The following MADD variants were observed in gnomAD, a reference collection of about 807,000 sequenced individuals.
The protein encoded by MADD is MAP kinase-activating death domain protein.
Under a neutral mutation model 176.7 loss-of-function variants are expected in MADD, and 109 were observed. The observed-to-expected ratio is 0.62, with a 90% CI of 0.53 to 0.72. The LOEUF is 0.72. MADD is among the 30% of genes least tolerant of loss of function. The probability of loss-of-function intolerance (pLI) is 0.00; values close to 1 mark genes in which losing one functional copy is unlikely to be tolerated. For missense variants in MADD, 1,914 were observed against 2,045.5 expected, an observed-to-expected ratio of 0.94 and a Z score of 1.24; for synonymous variants, 771 against 771.3, an observed-to-expected ratio of 1.00 and a Z score of 0.01.
rs771451732 is a variant in MADD at position 47,309,063 on chromosome 11, G to A, written c.3752-218G>A. On this transcript the variant is annotated intron_variant, in intron 23 of 32. Transcript: ENST00000402192. ...TATAAGTAACCACATTTATTTGTGT[G>A]CTGTGTTCATCCCTCCTCCTTGGGA... The A allele has an allele frequency of 2.5e-6, 4 of 1,613,612 alleles. No individual in the cohort carries two copies. The South Asian group carries it at 3.3e-5, about 13-fold the overall frequency.
intron 20 of MADD, among the ~76,000 whole-genome samples, 189 bp downstream of exon 22, chr11:47,294,172 A>C (rs568104886): frequency 1.2e-4 from 18 of 150,200 alleles, no homozygotes; most frequent in African/African-American, 3.4e-4. Context: ...CAACATGGTG[A>C]AACCCCGCCC....
chr11:47,328,117 C>T, intron 31 of MADD: 1 of 1,003,700 alleles, frequency 1.0e-6, no homozygotes, highest in Non-Finnish European at 1.2e-6. Flanking sequence ...CTGCCACATC[C>T]TGTGGGTTTA....
At chr11:47,300,363 C>T (rs575197969) in intron 22 of MADD, among the ~76,000 whole-genome samples, 3 of 151,080 alleles carry the variant, frequency 2.0e-5, no homozygotes, top group South Asian at 2.1e-4. Flanking sequence ...CCCACGACCA[C>T]GCCTGGCTAA....
chr11:47,293,192 G>C (rs1000878457), intron 19 of MADD, among the ~76,000 whole-genome samples: 3 of 152,026 alleles, frequency 2.0e-5, no homozygotes, highest in Admixed American at 6.6e-5. Flanking sequence ...AGACACATTT[G>C]TTTGGGAAGC....
At chr11:47,302,331 A>C (rs1394844270) in intron 22 of MADD, among the ~76,000 whole-genome samples, 1 of 152,100 alleles carries the variant, frequency 6.6e-6, no homozygotes, top group Non-Finnish European at 1.5e-5. Context: ...CTCCTGCCTC[A>C]GCCTCCCAAG....
At chr11:47,309,865 G>A (rs917603660) in intron 25 of MADD, among the ~76,000 whole-genome samples, 19 of 144,990 alleles carry the variant, frequency 1.3e-4, no homozygotes, top group African/African-American at 1.8e-4. Context: ...TTTTTGAGAC[G>A]GAGTCTTGCT....
At chr11:47,286,026 G>A (rs1010943044) in intron 14 of MADD, among the ~76,000 whole-genome samples, 16 of 152,180 alleles carry the variant, frequency 1.1e-4, no homozygotes, top group African/African-American at 3.6e-4. Context: ...GTGCAGGGTC[G>A]TATCAGCTAA....
chr11:47,294,454 A>G (rs1264031946), intron 20 of MADD, among the ~76,000 whole-genome samples: 3 of 151,880 alleles, frequency 2.0e-5, no homozygotes, highest in African/African-American at 7.3e-5. Flanking sequence ...ACTTGAGGTC[A>G]GGAGTTGGAG....
chr11:47,310,618 G>T (rs1295942209), intron 25 of MADD, among the ~76,000 whole-genome samples: 2 of 151,950 alleles, frequency 1.3e-5, no homozygotes, highest in Non-Finnish European at 2.9e-5. Context: ...TAGAAAGGAT[G>T]CTCAGGACCA....
chr11:47,293,854 C>T (rs746698155), intron 19 of MADD, 29 bp from the exon 22 acceptor site: 34 of 1,452,458 alleles, frequency 2.3e-5, no homozygotes, highest in South Asian at 6.8e-5. Context: ...CCTTTGTGCA[C>T]GGAGTAACAG....
chr11:47,270,501 G>T (rs1187107004), intron 1 of MADD, among the ~76,000 whole-genome samples: 1 of 149,074 alleles, frequency 6.7e-6, no homozygotes, highest in Non-Finnish European at 1.5e-5. Flanking sequence ...CAGGTTCGGG[G>T]CGGGGGCGGG....
intron 26 of MADD, among the ~76,000 whole-genome samples, chr11:47,313,727 T>C (rs1246592854): frequency 6.6e-6 from 1 of 152,098 alleles, no homozygotes; most frequent in Admixed American, 6.6e-5. Flanking sequence ...ACATTTTTTT[T>C]CAGTCTGGGG....
chr11:47,300,293 G>A (rs1279918474), intron 22 of MADD, among the ~76,000 whole-genome samples: 11 of 145,810 alleles, frequency 7.5e-5, no homozygotes, highest in East Asian at 2.0e-4. Flanking sequence ...TGCTACCCCC[G>A]CCTCCCGGGT....
rs2095385377 is a variant in MADD, at chr11:47,325,768, C to T, written c.4543-970C>T. Among the ~76,000 whole-genome samples the T allele has an allele frequency of 6.6e-6, 1 of 152,234 alleles. No individual in the cohort carries two copies. The highest frequency in any genetic ancestry group is 2.1e-4 in the South Asian group (1 of 4,832). On this transcript the variant is annotated intron_variant, in intron 30 of 32. Transcript: ENST00000402192. The surrounding 1 kb of genome is among the most constrained non-coding windows in gnomAD (Gnocchi z 4.5). ...CGTGGCCTCTGAAGATGAGATCTTG[C>T]TGAGCAACGCCCAGGTGCTCTGCCC...
exon 28 of MADD, chr11:47,323,728 T>C: frequency 6.2e-7 from 1 of 1,614,144 alleles, no homozygotes; most frequent in Non-Finnish European, 8.5e-7. Flanking sequence ...TGAGCGCTGG[T>C]GGTACGAGAA....
At chr11:47,309,066 G>A (rs965849421) in intron 23 of MADD, 24 bp downstream of exon 26, 1 of 1,613,394 alleles carries the variant, frequency 6.2e-7, no homozygotes, top group Non-Finnish European at 8.5e-7. Flanking sequence ...TTTGTGTGCT[G>A]TGTTCATCCC....
intron 27 of MADD, among the ~76,000 whole-genome samples, chr11:47,320,405 A>G (rs182374244): frequency 6.6e-6 from 1 of 152,044 alleles, no homozygotes; most frequent in African/African-American, 2.4e-5. Flanking sequence ...CAGTGAGCCG[A>G]GATTGCACCA....
intron 7 of MADD, 122 bp downstream of exon 7, chr11:47,279,201 G>T (rs1305983066): frequency 2.2e-6 from 2 of 891,030 alleles, no homozygotes; most frequent in East Asian, 5.5e-5. Context: ...TCTTCACCCT[G>T]GATGGGCTTA....
rs556137322 is a variant in MADD, at chr11:47,282,415, G to A, written c.1504G>A (p.Val502Met). 2.8e-5 allele frequency: 45 copies of A among 1,614,098 alleles called. No homozygotes were observed. In the African/African-American group the frequency reaches 5.6e-4, roughly 20 times the overall value. Residue 502 changes from valine (V) to methionine (M), a missense_variant, in exon 9 of 33, where the codon GTG becomes ATG. This residue lies in a region of MADD where 1,767 missense variants were observed against 1,836.0 expected (regional missense o/e 0.96). Transcript: ENST00000402192. Reference sequence around the variant, plus strand: ...GGTACGGTTCTTCAATTCCGCCAACGTGCTGCAGGGATTTCAGATGCACAC... The same window carrying A: ...GGTACGGTTCTTCAATTCCGCCAACATGCTGCAGGGATTTCAGATGCACAC...
Sources: allele counts gnomAD v4.1 joint callset (sites outside exome capture counted in the v4.1 genomes callset), GRCh38; gene constraint gnomAD v4.1.1; regional missense constraint gnomAD v4.1.1; non-coding constraint Gnocchi (gnomAD v3.1); transcripts MANE v1.5; gene names NCBI Gene and HGNC (gene_info 2026-07-23, HGNC 2026-07-21).